The following CACNA2D1 variants were observed in gnomAD, a reference collection of about 807,000 sequenced individuals.
CACNA2D1 encodes voltage-dependent calcium channel subunit alpha-2/delta-1.
A neutral mutation model predicts 171.5 loss-of-function variants in CACNA2D1; 53 were observed. That is an observed-to-expected ratio of 0.31 (90% CI 0.25 to 0.39). The LOEUF (loss-of-function observed/expected upper bound fraction) is 0.39. CACNA2D1 is among the 10% of genes least tolerant of loss of function. The pLI, the probability that CACNA2D1 is intolerant of heterozygous loss-of-function variation, is 1.00. For missense variants in CACNA2D1, 903 were observed against 1,299.8 expected (o/e 0.69, Z 4.69); for synonymous variants, 442 against 443.1 (o/e 1.00, Z 0.03).
At chr7:82,367,682 T>A (rs1821898119) in intron 1 of CACNA2D1, among the ~76,000 whole-genome samples, 1 of 152,206 alleles carries the variant, frequency 6.6e-6, no homozygotes. Flanking sequence ...AAATATTAAA[T>A]GAATAAAAAA....
chr7:82,137,594 T>C (rs258705), intron 4 of CACNA2D1, among the ~76,000 whole-genome samples: 56,191 of 151,386 alleles, frequency 0.37, 10,622 homozygotes, highest in Middle Eastern at 0.46. Flanking sequence ...AATTTTAGGC[T>C]GACGCGGTGG....
chr7:82,314,766 T>C (rs961472324), intron 3 of CACNA2D1, among the ~76,000 whole-genome samples: 3 of 152,110 alleles, frequency 2.0e-5, no homozygotes, highest in African/African-American at 7.2e-5. Context: ...GCAGTAATAA[T>C]GATATTTTAA....
chr7:82,160,474 A>C (rs1335877034), intron 4 of CACNA2D1, among the ~76,000 whole-genome samples: 1 of 152,100 alleles, frequency 6.6e-6, no homozygotes, highest in African/African-American at 2.4e-5. Flanking sequence ...ATAGAACATA[A>C]GACAAACCTT....
At chr7:82,336,882 T>C (rs1818067866) in intron 2 of CACNA2D1, among the ~76,000 whole-genome samples, 1 of 152,186 alleles carries the variant, frequency 6.6e-6, no homozygotes, top group Non-Finnish European at 1.5e-5. Context: ...TGTTCATTTC[T>C]CTATGCAGTC....
At chr7:82,214,336 C>G (rs912829473) in intron 3 of CACNA2D1, among the ~76,000 whole-genome samples, 1 of 152,264 alleles carries the variant, frequency 6.6e-6, no homozygotes, top group East Asian at 1.9e-4. Context: ...ATGTATGATA[C>G]AATTCAATAG....
intron 12 of CACNA2D1, among the ~76,000 whole-genome samples, chr7:82,026,396 C>A (rs1376763873): frequency 6.6e-6 from 1 of 151,502 alleles, no homozygotes; most frequent in Non-Finnish European, 1.5e-5. Context: ...TTTAAAGTTA[C>A]ATGTGAACTT....
chr7:82,409,193 T>G (rs1198390172), intron 1 of CACNA2D1, among the ~76,000 whole-genome samples: 1 of 152,172 alleles, frequency 6.6e-6, no homozygotes, highest in East Asian at 1.9e-4. Flanking sequence ...TTCTATATAG[T>G]AGGTATTCAA....
chr7:82,290,948 A>G (rs1180140227), intron 3 of CACNA2D1, among the ~76,000 whole-genome samples: 10 of 149,714 alleles, frequency 6.7e-5, no homozygotes, highest in African/African-American at 2.4e-4. Flanking sequence ...ATTCACTTCT[A>G]GAGCCAGTCA....
At chr7:82,108,906 C>G (rs960738408) in intron 6 of CACNA2D1, among the ~76,000 whole-genome samples, 1 of 152,106 alleles carries the variant, frequency 6.6e-6, no homozygotes, top group Non-Finnish European at 1.5e-5. Context: ...TTTCCCTGCT[C>G]GCACCTAATG....
chr7:82,274,820 A>G (rs1809105057), intron 3 of CACNA2D1, among the ~76,000 whole-genome samples: 1 of 151,828 alleles, frequency 6.6e-6, no homozygotes, highest in South Asian at 2.1e-4. Context: ...TACATTAAGC[A>G]CCCAATAGAT....
intron 3 of CACNA2D1, among the ~76,000 whole-genome samples, chr7:82,243,644 G>A (rs145554688): frequency 6.6e-6 from 1 of 152,198 alleles, no homozygotes; most frequent in Non-Finnish European, 1.5e-5. Flanking sequence ...ACAAGGTGTT[G>A]TCACGATCCC....
intron 1 of CACNA2D1, among the ~76,000 whole-genome samples, chr7:82,438,352 AAAATACTATCTATTAAATAG>A (rs2129459673): frequency 6.6e-6 from 1 of 152,336 alleles, no homozygotes; most frequent in East Asian, 1.9e-4. Flanking sequence ...GCATATACAT[AAAATACTATCTATTAAATAG>A]AATACTATAT....
At chr7:82,240,537 A>G (rs745373713) in intron 3 of CACNA2D1, among the ~76,000 whole-genome samples, 5 of 152,242 alleles carry the variant, frequency 3.3e-5, no homozygotes, top group Non-Finnish European at 5.9e-5. Flanking sequence ...CAAGTGTATT[A>G]CTGACTTGGC....
intron 1 of CACNA2D1, among the ~76,000 whole-genome samples, chr7:82,411,043 C>A (rs959156786): frequency 6.6e-6 from 1 of 151,974 alleles, no homozygotes; most frequent in Non-Finnish European, 1.5e-5. Context: ...TTTATATATT[C>A]TTTGAGAGAA....
chr7:82,139,945 C>CTAT (rs4018980), intron 4 of CACNA2D1, among the ~76,000 whole-genome samples: 11,380 of 142,850 alleles, frequency 0.08, 493 homozygotes, highest in Middle Eastern at 0.1. Context: ...ACACACCTGG[C>CTAT]TATTATTATT....
At chr7:82,022,977 A>C (rs1801425372) in intron 12 of CACNA2D1, among the ~76,000 whole-genome samples, 1 of 151,930 alleles carries the variant, frequency 6.6e-6, no homozygotes, top group Admixed American at 6.6e-5. Context: ...TCTGAGAATT[A>C]AAGAATCAGA....
chr7:82,322,125 C>CAAAAAAAA (rs71093373), intron 3 of CACNA2D1, among the ~76,000 whole-genome samples: 2 of 43,640 alleles, frequency 4.6e-5, no homozygotes, highest in African/African-American at 8.2e-5. Flanking sequence ...GACTCCGTCT[C>CAAAAAAAA]AAAAAAAAAA....
chr7:82,269,830 C>T (rs964071427), intron 3 of CACNA2D1, among the ~76,000 whole-genome samples: 3 of 152,026 alleles, frequency 2.0e-5, no homozygotes, highest in Non-Finnish European at 4.4e-5. Context: ...TTTCAAGCTC[C>T]AATTCACTTT....
chr7:82,175,121 C>T (rs926041223), intron 3 of CACNA2D1, among the ~76,000 whole-genome samples: 2 of 151,682 alleles, frequency 1.3e-5, no homozygotes, highest in African/African-American at 4.8e-5. Flanking sequence ...AAATTTATTG[C>T]AAGTTAAAGA....
Sources: allele counts gnomAD v4.1 joint callset (sites outside exome capture counted in the v4.1 genomes callset), GRCh38; gene constraint gnomAD v4.1.1; transcripts MANE v1.5; gene names NCBI Gene and HGNC (gene_info 2026-07-23, HGNC 2026-07-21).